The following PIP5K1C variants were observed in gnomAD, a reference collection of about 807,000 sequenced individuals.
The protein encoded by PIP5K1C is phosphatidylinositol-4-phosphate 5-kinase type 1 gamma, also known as phosphatidylinositol 4-phosphate 5-kinase type-1 gamma.
Under a neutral mutation model 80.1 loss-of-function variants are expected in PIP5K1C, and 45 were observed. The observed-to-expected ratio is 0.56, with a 90% CI of 0.44 to 0.72. The LOEUF (loss-of-function observed/expected upper bound fraction) is 0.72. Ranked by LOEUF, PIP5K1C falls within the 30% of genes least tolerant of loss-of-function variation. PIP5K1C has a pLI of 0.00. For synonymous variants in PIP5K1C, 498 were observed against 420.1 expected, an observed-to-expected ratio of 1.19 and a Z score of -2.27; for missense variants, 753 against 954.6, an observed-to-expected ratio of 0.79 and a Z score of 2.78.
intron 8 of PIP5K1C, chr19:3,650,036 G>A (rs2034375935): frequency 5.9e-6 from 1 of 169,080 alleles, no homozygotes; most frequent in Admixed American, 6.3e-5. Flanking sequence ...ACAAACGCCA[G>A]GATGGTCTGA....
intron 1 of PIP5K1C, chr19:3,674,143 G>C (rs1479136802): frequency 6.6e-6 from 1 of 152,262 alleles, no homozygotes; most frequent in Non-Finnish European, 1.5e-5. Flanking sequence ...CATCCTGGCT[G>C]AGGGTTGGAC....
intron 5 of PIP5K1C, among the ~76,000 whole-genome samples, chr19:3,658,496 C>T (rs1374992185): frequency 6.6e-6 from 1 of 152,256 alleles, no homozygotes; most frequent in Admixed American, 6.5e-5. Context: ...CCCGCCACGG[C>T]AGGACGCCCT....
intron 16 of PIP5K1C, among the ~76,000 whole-genome samples, chr19:3,634,608 C>T (rs1415162276): frequency 2.0e-5 from 3 of 152,258 alleles, no homozygotes; most frequent in East Asian, 1.9e-4. Context: ...GTCAGGATGA[C>T]GCTGCCCACC....
At position 3,656,537 on chromosome 19, in the gene PIP5K1C, C is replaced by T. The variant is rs773435505; in HGVS notation, c.489G>A (p.Pro163=). The T allele has an allele frequency of 5.0e-6, 8 of 1,613,654 alleles. No individual in the cohort carries two copies. The highest frequency in any genetic ancestry group is 2.7e-5 in the African/African-American group (2 of 74,936). ...CGCCCGGGTTGGACAGCTCGATCAG[C>T]GGCTCATTGCACAGGGAGTACTGGA... The part of the protein sequence containing the change: ...DDYLYSLCNE[P]LIELSNPGAS... The change falls in exon 6 of 18, where the codon CCG becomes CCA. Residue 163 remains proline, a synonymous_variant. Transcript: ENST00000335312.
chr19:3,697,353 G>A (rs959020598), intron 1 of PIP5K1C, among the ~76,000 whole-genome samples: 4 of 150,258 alleles, frequency 2.7e-5, no homozygotes, highest in African/African-American at 4.9e-5. Context: ...GGGGAGGACC[G>A]AGCCAGACAG....
intron 5 of PIP5K1C, among the ~76,000 whole-genome samples, chr19:3,656,901 G>A (rs2034654211): frequency 6.6e-6 from 1 of 152,222 alleles, no homozygotes; most frequent in Admixed American, 6.5e-5. Context: ...GGGCCACAAC[G>A]CCAGCTCTGC....
At chr19:3,663,914 A>T (rs1395882018) in intron 3 of PIP5K1C, among the ~76,000 whole-genome samples, 3 of 152,222 alleles carry the variant, frequency 2.0e-5, no homozygotes, top group Non-Finnish European at 2.9e-5. Context: ...ACACAGACTC[A>T]CACACACGTG....
At chr19:3,659,987 A>T (rs957091789) in intron 5 of PIP5K1C, among the ~76,000 whole-genome samples, 2 of 152,098 alleles carry the variant, frequency 1.3e-5, no homozygotes, top group African/African-American at 4.8e-5. Flanking sequence ...CCCTGATACA[A>T]AGTTCTCGGG....
In PIP5K1C at chr19:3,679,603, G is replaced by C. The variant is rs567406278; in HGVS notation, c.95-12250C>G. 9.7e-4 allele frequency among the ~76,000 whole-genome samples: 148 copies of C among 152,314 alleles called. 1 individual carries two copies. Among genetic ancestry groups the C allele is most frequent in the African/African-American group, 3.5e-3 (147 of 41,556 alleles). ...CAGCAGCACCGGTGAATGGAGCTGG[G>C]GCAGGCGGGCTGGGCTGGATCTGGG... On this transcript the variant is annotated intron_variant, in intron 1 of 17. Coordinates refer to ENST00000335312, the MANE Select transcript of PIP5K1C (RefSeq NM_012398.3).
At position 3,692,558 on chromosome 19, in the gene PIP5K1C, C is replaced by T. The variant is rs888663611; in HGVS notation, c.94+7739G>A. Among the ~76,000 whole-genome samples, 7 of 152,120 alleles carry T rather than the reference C, an allele frequency of 4.6e-5. No homozygotes were observed. The highest frequency in any genetic ancestry group is 1.4e-4 in the African/African-American group (6 of 41,418). The stretch of plus-strand genomic sequence containing the variant: ...TGCTTCCAAAATCCATCCCAGATGG[C>T]GCACTGCTCATGGTCCCCACCTGGC... On this transcript the variant is annotated intron_variant, in intron 1 of 17. Coordinates refer to ENST00000335312, the MANE Select transcript of PIP5K1C (RefSeq NM_012398.3). The surrounding 1 kb of genome is among the most constrained non-coding windows in gnomAD (Gnocchi z 5.2).
rs72982609 is a variant in PIP5K1C, at chr19:3,693,850, G to A, written c.94+6447C>T. On this transcript the variant is annotated intron_variant, in intron 1 of 17. Transcript: ENST00000335312. ...AGGTGGAGGCAGGAGGGCTGCTTGG[G>A]ACCAAGGGTTCGAGACCCTCGCACC... Among the ~76,000 whole-genome samples, 1,467 of 152,068 alleles carry A rather than the reference G, an allele frequency of 9.6e-3. 6 individuals carry two copies. The highest frequency in any genetic ancestry group is 0.016 in the Non-Finnish European group (1,107 of 67,996).
intron 2 of PIP5K1C, among the ~76,000 whole-genome samples, chr19:3,665,642 C>A (rs546928326): frequency 6.6e-6 from 1 of 152,104 alleles, no homozygotes; most frequent in Non-Finnish European, 1.5e-5. Context: ...ATTGAAAAGA[C>A]CACCTTGTCC....
intron 1 of PIP5K1C, among the ~76,000 whole-genome samples, chr19:3,675,667 T>C (rs111442487): frequency 3.9e-5 from 6 of 152,258 alleles, no homozygotes; most frequent in African/African-American, 1.4e-4. Flanking sequence ...GATATGAGTG[T>C]ACCCACATGC....
intron 2 of PIP5K1C, 102 bp downstream of exon 2, chr19:3,667,220 G>T: frequency 1.0e-6 from 1 of 970,476 alleles, no homozygotes; most frequent in Non-Finnish European, 1.6e-6. Context: ...GGGGCCCAGA[G>T]AGGTGTAGTG....
At chr19:3,658,423 C>A (rs1386424645) in intron 5 of PIP5K1C, among the ~76,000 whole-genome samples, 2 of 152,234 alleles carry the variant, frequency 1.3e-5, no homozygotes, top group African/African-American at 2.4e-5. Flanking sequence ...CCTTTTTCTG[C>A]CCACAGCCAC....
intron 16 of PIP5K1C, among the ~76,000 whole-genome samples, chr19:3,636,123 C>T (rs1219265522): frequency 6.6e-6 from 1 of 152,032 alleles, no homozygotes; most frequent in Non-Finnish European, 1.5e-5. Context: ...TGCCATTGCA[C>T]TCCAGCCTGG....
At chr19:3,666,452 T>C (rs910769882) in intron 2 of PIP5K1C, among the ~76,000 whole-genome samples, 1 of 152,214 alleles carries the variant, frequency 6.6e-6, no homozygotes, top group Non-Finnish European at 1.5e-5. Context: ...CCCATGTACA[T>C]GCAGATGTGC....
chr19:3,662,107 CCGGCACCTG>C (rs2034853792), intron 3 of PIP5K1C, 106 bp from the exon 4 acceptor site: 1 of 1,360,044 alleles, frequency 7.4e-7, no homozygotes, highest in Non-Finnish European at 1.0e-6. Context: ...AGCTTGGGAC[CCGGCACCTG>C]CCAACCCCCT....
chr19:3,697,271 G>A (rs2036149346), intron 1 of PIP5K1C, among the ~76,000 whole-genome samples: 1 of 148,152 alleles, frequency 6.7e-6, no homozygotes. Context: ...AGATGGAGGA[G>A]GACCAAGCCG....
Sources: gnomAD v4.1 joint callset for allele counts (sites outside exome capture counted in the v4.1 genomes callset) on GRCh38, gnomAD v4.1.1 for gene constraint, Gnocchi (gnomAD v3.1) non-coding constraint, MANE v1.5 for transcripts, NCBI Gene and HGNC (gene_info 2026-07-23, HGNC 2026-07-21) for gene names.